Variants in SLC4A4 observed in about 807,000 individuals in gnomAD.
SLC4A4 encodes solute carrier family 4 member 4.
In SLC4A4, 27 loss-of-function variants were observed where a neutral mutation model predicts 111.5. That is an observed-to-expected ratio of 0.24 (90% CI 0.18 to 0.33). The LOEUF (loss-of-function observed/expected upper bound fraction) is 0.33, where lower values mean the gene tolerates loss of function less well. SLC4A4 is among the 10% of genes least tolerant of loss of function. The probability of loss-of-function intolerance (pLI) is 1.00; values close to 1 mark genes in which losing one functional copy is unlikely to be tolerated. For synonymous variants in SLC4A4, 443 were observed against 463.4 expected (o/e 0.96, Z 0.57); for missense variants, 909 against 1,315.5 (o/e 0.69, Z 4.78).
intron 5 of SLC4A4, among the ~76,000 whole-genome samples, chr4:71,355,904 C>T (rs893833007): frequency 6.6e-6 from 1 of 152,120 alleles, no homozygotes; most frequent in Non-Finnish European, 1.5e-5. Context: ...TAAAGTTTGC[C>T]CAAGTGGAAA....
intron 7 of SLC4A4, among the ~76,000 whole-genome samples, chr4:71,423,568 T>G (rs1428016852): frequency 6.6e-6 from 1 of 152,112 alleles, no homozygotes; most frequent in Non-Finnish European, 1.5e-5. Flanking sequence ...GCTGGAGGCA[T>G]CACACTACCT....
At chr4:71,400,077 T>G (rs1252131657) in intron 7 of SLC4A4, among the ~76,000 whole-genome samples, 3 of 152,232 alleles carry the variant, frequency 2.0e-5, no homozygotes, top group Non-Finnish European at 4.4e-5. Flanking sequence ...CCATGAGTCT[T>G]AATACTGGTT....
chr4:71,281,578 A>C (rs751366774), intron 3 of SLC4A4, among the ~76,000 whole-genome samples: 4 of 152,072 alleles, frequency 2.6e-5, no homozygotes, highest in South Asian at 2.1e-4. Flanking sequence ...AATAAAATGG[A>C]CTCTGGTTTG....
chr4:71,324,435 C>A (rs1013800114), intron 3 of SLC4A4, among the ~76,000 whole-genome samples: 40 of 152,002 alleles, frequency 2.6e-4, no homozygotes, highest in African/African-American at 9.4e-4. Flanking sequence ...AAAGAAGCAG[C>A]AGACCAAAAA....
At chr4:71,385,851 T>G (rs370457918) in intron 6 of SLC4A4, among the ~76,000 whole-genome samples, 128 of 152,310 alleles carry the variant, frequency 8.4e-4, no homozygotes, top group African/African-American at 2.9e-3. Context: ...GACTGATTGC[T>G]TTCCACATCA....
chr4:71,096,959 C>T, intron 2 of SLC4A4, among the ~76,000 whole-genome samples: 1 of 152,198 alleles, frequency 6.6e-6, no homozygotes, highest in East Asian at 1.9e-4. Context: ...TATAAACTTA[C>T]ATTTTTGTTC....
At chr4:71,127,545 TTATA>T (rs1464881259) in intron 2 of SLC4A4, among the ~76,000 whole-genome samples, 1 of 152,194 alleles carries the variant, frequency 6.6e-6, no homozygotes, top group East Asian at 1.9e-4. Context: ...TCACCAAGTG[TTATA>T]TAAAGATTAA....
intron 7 of SLC4A4, chr4:71,438,040 G>C (rs369669634): frequency 6.5e-6 from 1 of 153,626 alleles, no homozygotes; most frequent in African/African-American, 2.4e-5. Flanking sequence ...CTGTGGCTGC[G>C]CAAGGCCACT....
At chr4:71,443,339 G>A (rs974076870) in intron 8 of SLC4A4, among the ~76,000 whole-genome samples, 8 of 151,140 alleles carry the variant, frequency 5.3e-5, no homozygotes, top group African/African-American at 1.5e-4. Flanking sequence ...TTGTAGAGAC[G>A]GGGTTTCACC....
chr4:71,335,551 T>G (rs769972701), intron 3 of SLC4A4, among the ~76,000 whole-genome samples: 7 of 152,168 alleles, frequency 4.6e-5, no homozygotes, highest in Non-Finnish European at 1.5e-5. Context: ...TCAGGCCAGG[T>G]GCAGTGGCTC....
At chr4:71,357,967 T>C (rs1730433264) in intron 6 of SLC4A4, among the ~76,000 whole-genome samples, 1 of 152,106 alleles carries the variant, frequency 6.6e-6, no homozygotes, top group South Asian at 2.1e-4. Context: ...CTACTAAGCA[T>C]TGGCTGATAG....
rs969799555 is a variant in SLC4A4 at position 71,236,522 on chromosome 4, T to A, written c.-1-54T>A. On this transcript the variant is annotated intron_variant, in intron 1 of 25. Transcript: ENST00000264485. ...TGCCCAGAAGCTGGGCTGCTCCAAG[T>A]GGCTCGCTCCAGGAGAAGTCTGAGC... 2.6e-6 allele frequency: 4 copies of A among 1,521,028 alleles called. No individual in the cohort carries two copies. In the East Asian group the frequency reaches 9.1e-5, roughly 35 times the overall value. The allele number at this position is 1,521,028 out of a possible 1,614,324, so 94.2% of individuals were successfully genotyped here. A position where few individuals can be genotyped will look rare whatever the true frequency, so the allele number is the denominator to read the frequency against.
chr4:71,172,779 G>C (rs534336366), intron 2 of SLC4A4, among the ~76,000 whole-genome samples: 1 of 152,096 alleles, frequency 6.6e-6, no homozygotes. Context: ...TGAAACACCA[G>C]CACCACCATC....
At position 71,209,602 on chromosome 4, in the gene SLC4A4, G is replaced by T. The variant is rs180977380; in HGVS notation, c.-2+22201G>T. On this transcript the variant is annotated intron_variant, in intron 1 of 25. Coordinates refer to ENST00000264485, the MANE Select transcript of SLC4A4 (RefSeq NM_001098484.3). ...TGTATCTTTCTTCAGAAAATTATGA[G>T]CATTTCAATCTGTTAGTACTCTGCA... Among the ~76,000 whole-genome samples the T allele has an allele frequency of 2.0e-5, 3 of 152,246 alleles. No individual in the cohort carries two copies. In the East Asian group the frequency reaches 5.8e-4, roughly 29 times the overall value.
intron 2 of SLC4A4, among the ~76,000 whole-genome samples, chr4:71,165,507 A>T (rs1276983210): frequency 6.6e-6 from 1 of 152,128 alleles, no homozygotes; most frequent in Non-Finnish European, 1.5e-5. Context: ...GAACAAAGAG[A>T]ACACATGGAC....
At chr4:71,230,870 G>A (rs1719375625) in intron 1 of SLC4A4, among the ~76,000 whole-genome samples, 1 of 152,216 alleles carries the variant, frequency 6.6e-6, no homozygotes, top group Non-Finnish European at 1.5e-5. Flanking sequence ...CCTGAGCTCA[G>A]TACCGCAGTC....
intron 18 of SLC4A4, among the ~76,000 whole-genome samples, chr4:71,535,476 G>T (rs534609397): frequency 1.3e-5 from 2 of 152,234 alleles, no homozygotes; most frequent in South Asian, 2.1e-4. Context: ...TCAAAGAAGA[G>T]ATGTTTAGAT....
At position 71,352,716 on chromosome 4, in the gene SLC4A4, C is replaced by G. The variant is rs144498519; in HGVS notation, c.550+2644C>G. Among the ~76,000 whole-genome samples the G allele has an allele frequency of 3.2e-3, 487 of 152,286 alleles. 3 individuals carry two copies. Among genetic ancestry groups the G allele is most frequent in the Non-Finnish European group, 3.5e-3 (241 of 68,022 alleles). On this transcript the variant is annotated intron_variant, in intron 5 of 25. Coordinates refer to ENST00000264485, the MANE Select transcript of SLC4A4 (RefSeq NM_001098484.3). Reference sequence around the variant, plus strand: ...TAAGATCATCAGATGTATTTGCTGTCTACTTACATGTCTATCCCAGTATGA... The same window carrying G: ...TAAGATCATCAGATGTATTTGCTGTGTACTTACATGTCTATCCCAGTATGA...
intron 18 of SLC4A4, among the ~76,000 whole-genome samples, chr4:71,544,914 G>A (rs1355689657): frequency 1.3e-5 from 2 of 151,932 alleles, no homozygotes; most frequent in Non-Finnish European, 2.9e-5. Flanking sequence ...CACCAGCATG[G>A]TACTAAGTTG....
Sources: gnomAD v4.1 joint callset for allele counts (sites outside exome capture counted in the v4.1 genomes callset) on GRCh38, gnomAD v4.1.1 for gene constraint, MANE v1.5 for transcripts, NCBI Gene and HGNC (gene_info 2026-07-23, HGNC 2026-07-21) for gene names.